The following FANCC variants were observed in gnomAD, a reference collection of about 807,000 sequenced individuals.
FANCC encodes the protein Fanconi anemia group C protein.
FANCC carries 55 observed loss-of-function variants against 71.3 expected under a neutral mutation model. The observed-to-expected ratio is 0.77, with a 90% confidence interval of 0.62 to 0.97. The LOEUF (loss-of-function observed/expected upper bound fraction) is 0.97. Ranked by LOEUF, FANCC falls within the 50% of genes least tolerant of loss-of-function variation. The probability of loss-of-function intolerance (pLI) is 0.00; values close to 1 mark genes in which losing one functional copy is unlikely to be tolerated. For missense variants in FANCC, 678 were observed against 670.9 expected (o/e 1.01, Z -0.12); for synonymous variants, 275 against 244.9 (o/e 1.12, Z -1.15).
In FANCC at chr9:95,249,343, G is replaced by A. The variant is rs2136102913; in HGVS notation, c.-52C>T. ...CCTTCACAGCAGCCTGTCCAGCACT[G>A]AAGGAAATGGTCGGCACACATTAAA... On this transcript the variant is annotated 5_prime_UTR_variant, in exon 2 of 15. It introduces an in-frame stop codon into an upstream open reading frame of the 5' UTR. Transcript: ENST00000289081. 2.6e-6 allele frequency: 4 copies of A among 1,554,872 alleles called. No individual in the cohort carries two copies. The highest frequency in any genetic ancestry group is 3.5e-6 in the Non-Finnish European group (4 of 1,127,936).
At chr9:95,252,836 G>A (rs1831434912) in intron 1 of FANCC, among the ~76,000 whole-genome samples, 1 of 150,268 alleles carries the variant, frequency 6.7e-6, no homozygotes, top group African/African-American at 2.5e-5. Context: ...ATCGCTTGAG[G>A]CCAGGAGTTT....
chr9:95,155,892 G>T (rs139437760), intron 6 of FANCC, among the ~76,000 whole-genome samples: 54 of 138,852 alleles, frequency 3.9e-4, no homozygotes, highest in South Asian at 6.8e-4. Context: ...CTTTTTTTGG[G>T]TTTTTTTTTT....
intron 1 of FANCC, among the ~76,000 whole-genome samples, chr9:95,259,307 A>G (rs1393698279): frequency 1.3e-5 from 2 of 152,228 alleles, no homozygotes; most frequent in African/African-American, 4.8e-5. Context: ...ACAAGGCTAC[A>G]GGAACCAAAA....
At chr9:95,119,951 ATCC>A (rs1454072943) in intron 10 of FANCC, among the ~76,000 whole-genome samples, 1 of 152,040 alleles carries the variant, frequency 6.6e-6, no homozygotes, top group African/African-American at 2.4e-5. Flanking sequence ...GGCTCAAGAG[ATCC>A]TCCTGCCTTG....
At chr9:95,198,743 T>G (rs574589356) in intron 4 of FANCC, among the ~76,000 whole-genome samples, 111 of 152,158 alleles carry the variant, frequency 7.3e-4, no homozygotes, top group Middle Eastern at 3.4e-3. Flanking sequence ...TTTGTGTGTG[T>G]GGGGGAGGGG....
intron 14 of FANCC, among the ~76,000 whole-genome samples, chr9:95,102,785 C>A (rs762483547): frequency 1.6e-4 from 25 of 152,182 alleles, no homozygotes; most frequent in Non-Finnish European, 2.6e-4. Flanking sequence ...AGCCTCTTGT[C>A]GCATGCGCAC....
intron 13 of FANCC, among the ~76,000 whole-genome samples, chr9:95,108,289 A>G (rs2071616790): frequency 6.6e-6 from 1 of 152,248 alleles, no homozygotes; most frequent in African/African-American, 2.4e-5. Flanking sequence ...GCAGCGCTCC[A>G]GCAGGGCAGG....
chr9:95,111,558 G>GTAAT lies in FANCC; in HGVS notation c.1230_1233dup (p.Leu412IlefsTer24). On this transcript the variant is annotated frameshift_variant, in exon 13 of 15. Coordinates refer to ENST00000289081, the MANE Select transcript of FANCC (RefSeq NM_000136.3). LOFTEE classifies it high-confidence loss of function. ...GTGGGGGGTTCGGCTGCCGACATCA[G>GTAAT]TAATTGCTCTGCCACCATCTCAGCC... is the stretch of plus-strand genomic sequence containing the variant. The GTAAT allele has an allele frequency of 6.2e-7, 1 of 1,614,198 alleles. No homozygotes were observed.
intron 13 of FANCC, chr9:95,110,149 C>T (rs569140578): frequency 3.8e-5 from 26 of 689,368 alleles, no homozygotes; most frequent in Admixed American, 1.9e-4. Flanking sequence ...GGGAGAACTA[C>T]GCAAGGGTTT....
chr9:95,277,031 T>C (rs1833080451), intron 1 of FANCC, among the ~76,000 whole-genome samples: 1 of 152,192 alleles, frequency 6.6e-6, no homozygotes, highest in African/African-American at 2.4e-5. Flanking sequence ...TCGCTGAAAA[T>C]ATCAAATCCT....
chr9:95,256,595 A>G (rs1046240231), intron 1 of FANCC, among the ~76,000 whole-genome samples: 2 of 152,210 alleles, frequency 1.3e-5, no homozygotes, highest in African/African-American at 4.8e-5. Context: ...ACCAAATTGT[A>G]AAGACTATCG....
chr9:95,154,753 G>A (rs1830363697), intron 6 of FANCC, among the ~76,000 whole-genome samples: 1 of 152,160 alleles, frequency 6.6e-6, no homozygotes, highest in African/African-American at 2.4e-5. Context: ...GGATGCTTCA[G>A]CTCTAATTGA....
At position 95,274,189 on chromosome 9, in the gene FANCC, G is replaced by C. The variant is rs1832905620; in HGVS notation, c.-78-24820C>G. 5.3e-5 allele frequency among the ~76,000 whole-genome samples: 8 copies of C among 151,558 alleles called. No homozygotes were observed. In the South Asian group the frequency reaches 1.7e-3, roughly 31 times the overall value. On this transcript the variant is annotated intron_variant, in intron 1 of 14. Coordinates refer to ENST00000289081, the MANE Select transcript of FANCC (RefSeq NM_000136.3). Reference sequence around the variant, plus strand: ...TCCCTCCCCAAATCCCTCACCCCCTGACAGACCCTGGTGTGTGATGTTCCC... The same window carrying C: ...TCCCTCCCCAAATCCCTCACCCCCTCACAGACCCTGGTGTGTGATGTTCCC...
intron 7 of FANCC, among the ~76,000 whole-genome samples, chr9:95,137,883 A>G (rs1564682020): frequency 6.6e-6 from 1 of 152,244 alleles, no homozygotes; most frequent in Non-Finnish European, 1.5e-5. Context: ...CAGGCCCTGG[A>G]TGGCAGCACA....
At chr9:95,148,605 G>C (rs1234747229) in intron 7 of FANCC, among the ~76,000 whole-genome samples, 1 of 152,304 alleles carries the variant, frequency 6.6e-6, no homozygotes, top group Non-Finnish European at 1.5e-5. Context: ...CATGGTGGCA[G>C]TAATGACTAT....
chr9:95,124,047 T>C (rs1825548844), intron 10 of FANCC, among the ~76,000 whole-genome samples: 1 of 127,732 alleles, frequency 7.8e-6, no homozygotes, highest in South Asian at 2.4e-4. Flanking sequence ...GAGACTGCAG[T>C]AAACTGAGAT....
chr9:95,161,355 C>T (rs962558430), intron 6 of FANCC, among the ~76,000 whole-genome samples: 1 of 151,520 alleles, frequency 6.6e-6, no homozygotes, highest in African/African-American at 2.4e-5. Flanking sequence ...CTCTAAGGCC[C>T]AGAATACAAT....
intron 13 of FANCC, 151 bp from the exon 14 acceptor site, chr9:95,107,420 G>A (rs1036123724): frequency 2.5e-6 from 2 of 786,912 alleles, no homozygotes; most frequent in East Asian, 2.7e-5. Flanking sequence ...ATTTACACTC[G>A]ATTTCACACA....
chr9:95,222,634 G>A (rs1481974099), intron 4 of FANCC, among the ~76,000 whole-genome samples: 1 of 152,090 alleles, frequency 6.6e-6, no homozygotes, highest in Non-Finnish European at 1.5e-5. Flanking sequence ...TTGATCGCAC[G>A]TAAAATGTTC....
Sources: allele counts gnomAD v4.1 joint callset (sites outside exome capture counted in the v4.1 genomes callset), GRCh38; gene constraint gnomAD v4.1.1; transcripts MANE v1.5; gene names NCBI Gene and HGNC (gene_info 2026-07-23, HGNC 2026-07-21).